The following FBXO4 variants were observed in gnomAD, a reference collection of about 807,000 sequenced individuals.
FBXO4 encodes the protein F-box only protein 4.
In FBXO4, 36 loss-of-function variants were observed where a neutral mutation model predicts 43.7. The observed-to-expected ratio is 0.82, with a 90% CI of 0.63 to 1.09. The LOEUF (loss-of-function observed/expected upper bound fraction) is 1.09, where lower values mean the gene tolerates loss of function less well. FBXO4 is among the 50% of genes least tolerant of loss of function. FBXO4 has a pLI of 0.00. For missense variants in FBXO4, 435 were observed against 474.1 expected (o/e 0.92, Z 0.77); for synonymous variants, 180 against 165.6 (o/e 1.09, Z -0.67).
chr5:41,932,647 A>G (rs771592314), intron 3 of FBXO4, among the ~76,000 whole-genome samples: 2 of 152,232 alleles, frequency 1.3e-5, no homozygotes, highest in Non-Finnish European at 1.5e-5. Context: ...CCATTATTAA[A>G]AAATTCTTCC....
rs375068285 is a variant in FBXO4 at position 41,930,639 on chromosome 5, G to C, written c.646+722G>C. ...ACAGTAAAGGTGTTCCAGGCAGCGA[G>C]AACTACATTTTTTTCTTTCTTTCTT... On this transcript the variant is annotated intron_variant, in intron 3 of 6. Transcript: ENST00000281623. Among the ~76,000 whole-genome samples the C allele has an allele frequency of 1.8e-4, 27 of 151,688 alleles. No homozygotes were observed. In the South Asian group the frequency reaches 5.2e-3, roughly 29 times the overall value.
the FBXO4 span, among the ~76,000 whole-genome samples, chr5:41,989,507 G>A: frequency 6.6e-6 from 1 of 152,040 alleles, no homozygotes; most frequent in East Asian, 1.9e-4. Flanking sequence ...TGTAATTTAG[G>A]TAATTTACTT....
the FBXO4 span, among the ~76,000 whole-genome samples, chr5:41,965,228 G>A: frequency 6.6e-6 from 1 of 152,130 alleles, no homozygotes; most frequent in Admixed American, 6.5e-5. Context: ...GCTCTGTTCT[G>A]TTCCATTGAT....
At chr5:41,982,793 G>A in the FBXO4 span, among the ~76,000 whole-genome samples, 9 of 151,938 alleles carry the variant, frequency 5.9e-5, no homozygotes, top group South Asian at 2.1e-4. Context: ...AGGTATACAC[G>A]TGCCATGGTG....
chr5:42,034,556 G>C, the FBXO4 span, among the ~76,000 whole-genome samples: 4 of 152,068 alleles, frequency 2.6e-5, no homozygotes, highest in Admixed American at 6.6e-5. Context: ...TGTAAGGAAG[G>C]GGTCCTGTTT....
At chr5:42,013,826 C>T in the FBXO4 span, among the ~76,000 whole-genome samples, 3 of 152,136 alleles carry the variant, frequency 2.0e-5, no homozygotes, top group African/African-American at 7.2e-5. Flanking sequence ...GCTGTGGCTT[C>T]TGGCCAGTAG....
At chr5:41,987,348 C>T in the FBXO4 span, among the ~76,000 whole-genome samples, 1 of 152,068 alleles carries the variant, frequency 6.6e-6, no homozygotes, top group Non-Finnish European at 1.5e-5. Flanking sequence ...TTGAACTGAC[C>T]TCCCCTAACC....
the FBXO4 span, among the ~76,000 whole-genome samples, chr5:42,012,294 G>A: frequency 8.6e-4 from 131 of 152,230 alleles, no homozygotes; most frequent in African/African-American, 2.9e-3. Flanking sequence ...GATGTACCTT[G>A]AGAAAATCTC....
At chr5:41,977,555 T>C in the FBXO4 span, among the ~76,000 whole-genome samples, 1 of 152,204 alleles carries the variant, frequency 6.6e-6, no homozygotes, top group Non-Finnish European at 1.5e-5. Context: ...ACCAAGATCT[T>C]TGCTAATGCA....
chr5:42,010,036 T>A, the FBXO4 span, among the ~76,000 whole-genome samples: 3 of 152,194 alleles, frequency 2.0e-5, no homozygotes, highest in African/African-American at 7.2e-5. Context: ...ATTTGTTATT[T>A]TGTGACTGTT....
the FBXO4 span, among the ~76,000 whole-genome samples, chr5:41,960,045 A>G: frequency 6.6e-6 from 1 of 152,080 alleles, no homozygotes; most frequent in Non-Finnish European, 1.5e-5. Context: ...TCATTAGCGT[A>G]TTATAGTTTT....
the FBXO4 span, among the ~76,000 whole-genome samples, chr5:41,958,015 A>G: frequency 6.6e-6 from 1 of 152,186 alleles, no homozygotes; most frequent in Non-Finnish European, 1.5e-5. Flanking sequence ...GGGCACAATA[A>G]GATGTTTTAA....
At chr5:42,035,383 G>T in the FBXO4 span, among the ~76,000 whole-genome samples, 2 of 152,058 alleles carry the variant, frequency 1.3e-5, no homozygotes, top group African/African-American at 4.8e-5. Context: ...GTGAGAGAGG[G>T]CATCCTTGTC....
chr5:41,959,484 C>T, the FBXO4 span, among the ~76,000 whole-genome samples: 1 of 152,060 alleles, frequency 6.6e-6, no homozygotes, highest in Non-Finnish European at 1.5e-5. Flanking sequence ...GGAGCTTTCC[C>T]TCCATTTTTT....
At chr5:42,013,354 C>G in the FBXO4 span, among the ~76,000 whole-genome samples, 105 of 152,298 alleles carry the variant, frequency 6.9e-4, no homozygotes, top group African/African-American at 2.5e-3. Context: ...CCACCTTCCA[C>G]TCTAATTGGC....
the FBXO4 span, among the ~76,000 whole-genome samples, chr5:42,036,573 A>G: frequency 1.1e-4 from 17 of 152,254 alleles, no homozygotes; most frequent in East Asian, 2.9e-3. Context: ...ATATTTACCA[A>G]AAGGCTTTGA....
intron 5 of FBXO4, 71 bp from the exon 6 acceptor site, chr5:41,939,370 G>GT: frequency 7.2e-7 from 1 of 1,397,442 alleles, no homozygotes; most frequent in East Asian, 2.3e-5. Flanking sequence ...CGCTTTGTTA[G>GT]TTTTTTATTT....
chr5:41,999,507 G>GTA, the FBXO4 span, among the ~76,000 whole-genome samples: 1,359 of 108,744 alleles, frequency 0.012, 9 homozygotes, highest in Non-Finnish European at 0.017. Flanking sequence ...ATATATATGT[G>GTA]TATATATATA....
At chr5:42,017,181 G>A in the FBXO4 span, among the ~76,000 whole-genome samples, 2 of 151,748 alleles carry the variant, frequency 1.3e-5, no homozygotes, top group African/African-American at 4.8e-5. Context: ...TAAATAAATA[G>A]TAACAACAAA....
Sources: allele counts gnomAD v4.1 joint callset (sites outside exome capture counted in the v4.1 genomes callset), GRCh38; gene constraint gnomAD v4.1.1; transcripts MANE v1.5; gene names NCBI Gene and HGNC (gene_info 2026-07-23, HGNC 2026-07-21).